The following TMCC1 variants were observed in gnomAD, a reference collection of about 807,000 sequenced individuals.
The protein encoded by TMCC1 is transmembrane and coiled-coil domains protein 1.
Under a neutral mutation model 52.4 loss-of-function variants are expected in TMCC1, and 15 were observed. That is an observed-to-expected ratio of 0.29 (90% CI 0.19 to 0.44). The LOEUF (loss-of-function observed/expected upper bound fraction) is 0.44, where lower values mean the gene tolerates loss of function less well. TMCC1 is among the 20% of genes least tolerant of loss of function. TMCC1 has a pLI of 1.00. For synonymous variants in TMCC1, 279 were observed against 301.9 expected (o/e 0.92, Z 0.79); for missense variants, 503 against 806.0 (o/e 0.62, Z 4.55).
intron 4 of TMCC1, among the ~76,000 whole-genome samples, chr3:129,678,839 T>A (rs1241113245): frequency 1.3e-5 from 2 of 152,212 alleles, no homozygotes; most frequent in Non-Finnish European, 1.5e-5. Context: ...TATTAACCAC[T>A]ATGTATACAC....
At chr3:129,890,129 A>T (rs2061898492) in intron 1 of TMCC1, among the ~76,000 whole-genome samples, 2 of 152,036 alleles carry the variant, frequency 1.3e-5, no homozygotes, top group African/African-American at 2.4e-5. Flanking sequence ...TAATATCTTT[A>T]AAAAAAAGAA....
chr3:129,867,647 T>C (rs947002329), intron 2 of TMCC1, among the ~76,000 whole-genome samples: 1 of 152,188 alleles, frequency 6.6e-6, no homozygotes, highest in Admixed American at 6.5e-5. Flanking sequence ...AGAAAGAACA[T>C]ATAGCCAAGC....
At chr3:129,811,516 C>A (rs1332524123) in intron 4 of TMCC1, among the ~76,000 whole-genome samples, 1 of 152,148 alleles carries the variant, frequency 6.6e-6, no homozygotes, top group East Asian at 1.9e-4. Flanking sequence ...GATCCTCCCA[C>A]ATCAGCCTCC....
intron 4 of TMCC1, among the ~76,000 whole-genome samples, chr3:129,808,220 C>T (rs1264088508): frequency 2.6e-5 from 4 of 152,110 alleles, no homozygotes; most frequent in South Asian, 2.1e-4. Context: ...TGATGGCTCA[C>T]GCCTGTAATC....
intron 2 of TMCC1, among the ~76,000 whole-genome samples, chr3:129,876,100 C>A (rs1370472568): frequency 6.7e-6 from 1 of 150,292 alleles, no homozygotes; most frequent in Non-Finnish European, 1.5e-5. Context: ...CACCACTGCA[C>A]TCCAGCCTGG....
intron 2 of TMCC1, among the ~76,000 whole-genome samples, chr3:129,840,220 A>G (rs926119712): frequency 1.1e-4 from 17 of 150,818 alleles, no homozygotes; most frequent in African/African-American, 4.1e-4. Context: ...CCAGCTACTT[A>G]GGACATTGAG....
intron 4 of TMCC1, among the ~76,000 whole-genome samples, chr3:129,743,714 G>T (rs2051666315): frequency 6.6e-6 from 1 of 152,090 alleles, no homozygotes; most frequent in Admixed American, 6.6e-5. Flanking sequence ...AAAAGGCTAC[G>T]ATAGCTGGCA....
chr3:129,730,365 T>A (rs1337970825), intron 4 of TMCC1, among the ~76,000 whole-genome samples: 1 of 152,230 alleles, frequency 6.6e-6, no homozygotes, highest in Non-Finnish European at 1.5e-5. Flanking sequence ...GTTCAAGTTT[T>A]TGCCTACAGA....
chr3:129,803,489 T>C (rs1255924613), intron 4 of TMCC1, among the ~76,000 whole-genome samples: 1 of 152,244 alleles, frequency 6.6e-6, no homozygotes, highest in Non-Finnish European at 1.5e-5. Flanking sequence ...ATGGTTCAGA[T>C]GGTACATTTG....
intron 4 of TMCC1, among the ~76,000 whole-genome samples, chr3:129,768,449 T>C (rs548289211): frequency 3.9e-5 from 6 of 152,304 alleles, no homozygotes; most frequent in African/African-American, 1.4e-4. Flanking sequence ...TGAGAACTGA[T>C]TTAAGCAACT....
At chr3:129,881,876 C>A (rs1425207748) in intron 1 of TMCC1, among the ~76,000 whole-genome samples, 1 of 152,104 alleles carries the variant, frequency 6.6e-6, no homozygotes, top group Non-Finnish European at 1.5e-5. Flanking sequence ...GGGACAACTT[C>A]AAGAACCTAA....
intron 4 of TMCC1, among the ~76,000 whole-genome samples, chr3:129,783,638 T>C (rs1232705751): frequency 1.3e-5 from 2 of 152,238 alleles, no homozygotes. Flanking sequence ...GGAATATTAC[T>C]TTATACTTAG....
intron 2 of TMCC1, among the ~76,000 whole-genome samples, chr3:129,846,557 CCTA>C (rs1479912313): frequency 6.6e-6 from 1 of 152,128 alleles, no homozygotes; most frequent in Non-Finnish European, 1.5e-5. Context: ...TTTCCAACCA[CCTA>C]CTAAGGGAAT....
chr3:129,849,288 C>T (rs2059802987), intron 2 of TMCC1, among the ~76,000 whole-genome samples: 1 of 152,066 alleles, frequency 6.6e-6, no homozygotes, highest in Non-Finnish European at 1.5e-5. Context: ...CATGGTGAAA[C>T]TCCACCTCTA....
At chr3:129,758,713 C>T (rs559906662) in intron 4 of TMCC1, among the ~76,000 whole-genome samples, 7 of 152,250 alleles carry the variant, frequency 4.6e-5, no homozygotes, top group African/African-American at 2.4e-5. Flanking sequence ...CCATCCTAAC[C>T]GTTTCTAAGT....
At chr3:129,771,206 T>C (rs896676066) in intron 4 of TMCC1, among the ~76,000 whole-genome samples, 4 of 152,026 alleles carry the variant, frequency 2.6e-5, no homozygotes, top group African/African-American at 9.7e-5. Flanking sequence ...GGGGATGGGC[T>C]GGGAAGGGAA....
chr3:129,712,598 C>T (rs987468689), intron 4 of TMCC1, among the ~76,000 whole-genome samples: 4 of 152,068 alleles, frequency 2.6e-5, no homozygotes, highest in African/African-American at 9.7e-5. Flanking sequence ...CAGGCACATA[C>T]TACCATGCCC....
At chr3:129,816,375 T>C (rs2058098255) in intron 4 of TMCC1, among the ~76,000 whole-genome samples, 2 of 152,166 alleles carry the variant, frequency 1.3e-5, no homozygotes, top group Non-Finnish European at 2.9e-5. Flanking sequence ...AAATGTGGTA[T>C]ACAAACACAA....
intron 2 of TMCC1, among the ~76,000 whole-genome samples, chr3:129,870,091 G>A (rs2060839784): frequency 6.6e-6 from 1 of 151,738 alleles, no homozygotes; most frequent in South Asian, 2.1e-4. Flanking sequence ...CTCAAAATAT[G>A]TTCTTGAAAG....
Sources: gnomAD v4.1 joint callset for allele counts (sites outside exome capture counted in the v4.1 genomes callset) on GRCh38, gnomAD v4.1.1 for gene constraint, MANE v1.5 for transcripts, NCBI Gene and HGNC (gene_info 2026-07-23, HGNC 2026-07-21) for gene names.